The following PCDH15 variants were observed in gnomAD, a reference collection of about 807,000 sequenced individuals.
PCDH15 encodes protocadherin-15.
In PCDH15, 129 loss-of-function variants were observed where a neutral mutation model predicts 178.5. That is an observed-to-expected ratio of 0.72 (90% CI 0.63 to 0.84). The LOEUF (loss-of-function observed/expected upper bound fraction) is 0.84. PCDH15 is among the 40% of genes least tolerant of loss of function. The probability of loss-of-function intolerance (pLI) is 0.00; values close to 1 mark genes in which losing one functional copy is unlikely to be tolerated. For missense variants in PCDH15, 2,230 were observed against 2,099.9 expected (o/e 1.06, Z -1.21); for synonymous variants, 800 against 732.0 (o/e 1.09, Z -1.50).
chr10:54,412,059 G>A (rs929165873), intron 3 of PCDH15, among the ~76,000 whole-genome samples: 2 of 152,046 alleles, frequency 1.3e-5, no homozygotes, highest in African/African-American at 4.8e-5. Context: ...AGGATGGTAA[G>A]TAGAGAAATG....
intron 3 of PCDH15, among the ~76,000 whole-genome samples, chr10:54,860,600 C>A (rs1284595416): frequency 1.3e-5 from 2 of 152,088 alleles, no homozygotes; most frequent in African/African-American, 4.8e-5. Context: ...GCAAACAGCG[C>A]TATGATGAAC....
chr10:55,140,813 T>C (rs938723735), intron 2 of PCDH15, among the ~76,000 whole-genome samples: 1 of 151,986 alleles, frequency 6.6e-6, no homozygotes, highest in African/African-American at 2.4e-5. Context: ...TTTATGTAAG[T>C]TGTGGTGGTT....
chr10:55,610,236 C>T (rs1024583406), intron 2 of PCDH15, among the ~76,000 whole-genome samples: 1 of 152,144 alleles, frequency 6.6e-6, no homozygotes, highest in South Asian at 2.1e-4. Context: ...TTTAACAAAA[C>T]CATGTTTTCA....
chr10:54,065,921 G>C (rs73237613), intron 18 of PCDH15, among the ~76,000 whole-genome samples: 4,568 of 152,224 alleles, frequency 0.03, 236 homozygotes, highest in African/African-American at 0.1. Flanking sequence ...CAGAACAGTA[G>C]AGAAGCCTCA....
intron 1 of PCDH15, among the ~76,000 whole-genome samples, chr10:55,217,386 T>C (rs2132178633): frequency 6.6e-6 from 1 of 152,090 alleles, no homozygotes; most frequent in Non-Finnish European, 1.5e-5. Context: ...TGAGTGTACG[T>C]TGCTTGGTCA....
At chr10:55,534,109 C>T (rs1342477890) in intron 2 of PCDH15, among the ~76,000 whole-genome samples, 1 of 151,506 alleles carries the variant, frequency 6.6e-6, no homozygotes, top group South Asian at 2.1e-4. Context: ...TTAAAGACAT[C>T]GAATTATAAA....
chr10:55,057,260 AT>A (rs1421787930), intron 2 of PCDH15, among the ~76,000 whole-genome samples: 2 of 151,704 alleles, frequency 1.3e-5, no homozygotes, highest in Admixed American at 6.6e-5. Context: ...AGTGGTTGTA[AT>A]TTTTTTCCCT....
chr10:55,338,396 G>A (rs1051999895), intron 2 of PCDH15, among the ~76,000 whole-genome samples: 4 of 152,174 alleles, frequency 2.6e-5, no homozygotes, highest in African/African-American at 9.7e-5. Context: ...GGAATCAACT[G>A]AATTGTCTAT....
At chr10:54,392,898 C>CAA (rs35154394) in intron 3 of PCDH15, among the ~76,000 whole-genome samples, 21 of 72,282 alleles carry the variant, frequency 2.9e-4, no homozygotes, top group Admixed American at 9.0e-4. Flanking sequence ...GACTCAGGCT[C>CAA]AAAAAAAAAA....
chr10:54,439,262 A>T (rs1242392820), intron 3 of PCDH15, among the ~76,000 whole-genome samples: 2 of 152,100 alleles, frequency 1.3e-5, no homozygotes, highest in African/African-American at 4.8e-5. Context: ...TTTAAGAAAG[A>T]TAAGAAAAGA....
At chr10:54,926,607 T>C (rs1161467058) in intron 2 of PCDH15, among the ~76,000 whole-genome samples, 1 of 152,040 alleles carries the variant, frequency 6.6e-6, no homozygotes, top group Non-Finnish European at 1.5e-5. Context: ...ATTTGTAGGC[T>C]ATTTATAACT....
intron 2 of PCDH15, among the ~76,000 whole-genome samples, chr10:55,481,355 T>A (rs1840177139): frequency 6.6e-6 from 1 of 151,786 alleles, no homozygotes; most frequent in Admixed American, 6.6e-5. Context: ...CTGATTTTGG[T>A]TATTTCTTGT....
At chr10:53,990,050 G>A (rs2091360130) in intron 21 of PCDH15, among the ~76,000 whole-genome samples, 4 of 152,134 alleles carry the variant, frequency 2.6e-5, no homozygotes, top group East Asian at 1.9e-4. Flanking sequence ...ACTGTTTGGA[G>A]GGTTAAGCAT....
chr10:54,078,351 T>A (rs1181326486), intron 17 of PCDH15, among the ~76,000 whole-genome samples: 1 of 151,936 alleles, frequency 6.6e-6, no homozygotes, highest in African/African-American at 2.4e-5. Flanking sequence ...TATAATAAAA[T>A]CTCAGAAATC....
chr10:54,217,960 C>T (rs1416524347), intron 9 of PCDH15, among the ~76,000 whole-genome samples: 2 of 151,982 alleles, frequency 1.3e-5, no homozygotes, highest in East Asian at 1.9e-4. Context: ...ACAATTTGAG[C>T]ATCAATAAGG....
chr10:55,004,056 A>ATTT (rs35540638), intron 2 of PCDH15, among the ~76,000 whole-genome samples: 1 of 152,020 alleles, frequency 6.6e-6, no homozygotes, highest in South Asian at 2.1e-4. Flanking sequence ...TACTTGCTAT[A>ATTT]TTTTTTGTGA....
At chr10:54,442,954 G>A (rs1192612545) in intron 3 of PCDH15, among the ~76,000 whole-genome samples, 2 of 151,484 alleles carry the variant, frequency 1.3e-5, no homozygotes, top group East Asian at 2.0e-4. Flanking sequence ...TAAATGACAA[G>A]GGAGAAACCC....
chr10:54,377,978 G>C (rs567909553), intron 4 of PCDH15, among the ~76,000 whole-genome samples: 4 of 151,910 alleles, frequency 2.6e-5, no homozygotes, highest in African/African-American at 9.7e-5. Context: ...GAGTGCATTG[G>C]TGTGATCATA....
intron 2 of PCDH15, among the ~76,000 whole-genome samples, chr10:55,353,122 T>C (rs760480904): frequency 2.0e-5 from 3 of 152,160 alleles, no homozygotes; most frequent in Non-Finnish European, 2.9e-5. Flanking sequence ...CGACTACCAC[T>C]TCTTCAAGCA....
Sources: allele counts gnomAD v4.1 joint callset (sites outside exome capture counted in the v4.1 genomes callset), GRCh38; gene constraint gnomAD v4.1.1; transcripts MANE v1.5; gene names NCBI Gene and HGNC (gene_info 2026-07-23, HGNC 2026-07-21).